The following KIR3DL1 variants were observed in gnomAD, a reference collection of about 807,000 sequenced individuals.
KIR3DL1 encodes the protein killer cell immunoglobulin like receptor, three Ig domains and long cytoplasmic tail 1.
A neutral mutation model predicts 40.3 loss-of-function variants in KIR3DL1; 50 were observed. The observed-to-expected ratio is 1.24, with a 90% CI of 0.99 to 1.57. The LOEUF is 1.57. Ranked by LOEUF, KIR3DL1 falls within the 40% of genes most tolerant of loss-of-function variation. The pLI, the probability that KIR3DL1 is intolerant of heterozygous loss-of-function variation, is 0.00. For missense variants in KIR3DL1, 661 were observed against 559.9 expected (o/e 1.18, Z -1.82); for synonymous variants, 257 against 207.2 (o/e 1.24, Z -2.07).
chr19:54,827,306 A>G (rs184172874), intron 6 of KIR3DL1, among the ~76,000 whole-genome samples: 1,954 of 151,262 alleles, frequency 0.013, 80 homozygotes, highest in African/African-American at 0.045. Flanking sequence ...AGCATAGTAT[A>G]CAAGTCTGTG....
chr19:54,819,943 T>C, exon 4 of KIR3DL1: 2 of 1,611,928 alleles, frequency 1.2e-6, no homozygotes, highest in South Asian at 1.1e-5. Context: ...CTACAGATGC[T>C]ACGGTTCTGT....
In KIR3DL1 at chr19:54,818,618, G is replaced by A. The variant is rs1192610691; in HGVS notation, c.355+19G>A. 6.9e-6 allele frequency: 11 copies of A among 1,600,382 alleles called. No homozygotes were observed. The Admixed American group carries it at 1.7e-4, about 25-fold the overall frequency. On this transcript the variant is annotated intron_variant, in intron 3 of 8. Transcript: ENST00000391728. Reference sequence around the variant, plus strand: ...GTCACAGGTCAGAGGCTTTCCGTCTGGGCTTCTCACTGTCCCACCTCCTGA... The same window carrying A: ...GTCACAGGTCAGAGGCTTTCCGTCTAGGCTTCTCACTGTCCCACCTCCTGA...
exon 4 of KIR3DL1, chr19:54,819,749 G>T: frequency 6.2e-7 from 1 of 1,610,102 alleles, no homozygotes; most frequent in Non-Finnish European, 8.5e-7. Flanking sequence ...GCCCACCCAG[G>T]TCCCCTGGTG....
At chr19:54,819,922 C>T in exon 4 of KIR3DL1, 2 of 1,612,150 alleles carry the variant, frequency 1.2e-6, no homozygotes, top group Non-Finnish European at 8.5e-7. Flanking sequence ...GATGCTTGCC[C>T]TTGCAGGGAC....
At chr19:54,827,441 A>C (rs1426063366) in intron 6 of KIR3DL1, among the ~76,000 whole-genome samples, 2 of 145,818 alleles carry the variant, frequency 1.4e-5, no homozygotes, top group Admixed American at 6.8e-5. Context: ...GTGAAACCCT[A>C]TCTCTCCTAA....
chr19:54,818,117 CA>C (rs34626017), intron 2 of KIR3DL1, among the ~76,000 whole-genome samples, 197 bp from the exon 3 acceptor site: 70,703 of 127,532 alleles, frequency 0.55, 21,072 homozygotes, highest in East Asian at 0.78. Context: ...GCTTCTCCAG[CA>C]ACTTGCTCAA....
In KIR3DL1 at chr19:54,819,695, CACA is replaced by C; in HGVS notation, c.356-15_356-13del. 6.2e-7 allele frequency: 1 copy of C among 1,603,940 alleles called. No individual in the cohort carries two copies. Among genetic ancestry groups the C allele is most frequent in the South Asian group, 1.1e-5 (1 of 90,286 alleles). Reference sequence around the variant, plus strand: ...GATAAAGAGAGATGCCTTCTAAACTCACAACTTCTCTTTCTAGGAAACCACAGA... The same window carrying C: ...GATAAAGAGAGATGCCTTCTAAACTCACTTCTCTTTCTAGGAAACCACAGA... On this transcript the variant is annotated splice_polypyrimidine_tract_variant and intron_variant, in intron 3 of 8. Transcript: ENST00000391728.
exon 4 of KIR3DL1, chr19:54,819,961 A>T (rs1206870157): frequency 6.2e-6 from 10 of 1,611,302 alleles, no homozygotes; most frequent in Non-Finnish European, 7.6e-6. Context: ...TGTTACTCAC[A>T]CCCCCTATCA....
chr19:54,817,707 C>T (rs1228687364), intron 2 of KIR3DL1, 138 bp downstream of exon 2: 13 of 705,308 alleles, frequency 1.8e-5, no homozygotes, highest in Non-Finnish European at 3.0e-5. Context: ...CATTTCTGAC[C>T]TTGCCTTCCC....
rs375395083 is a variant in KIR3DL1, at chr19:54,830,152, C to T, written c.1212C>T (p.Cys404=). 5.1e-5 allele frequency: 77 copies of T among 1,522,536 alleles called. 15 individuals are homozygous for T. Among genetic ancestry groups the T allele is most frequent in the East Asian group, 4.5e-4 (19 of 42,564 alleles). 94.3% of individuals were successfully genotyped at this position (1,522,536 alleles called of 1,614,324 possible). The change falls in exon 9 of 9, where the codon TGC becomes TGT. Residue 404 remains cysteine (C), a synonymous_variant. Coordinates refer to ENST00000391728, the Ensembl canonical transcript of KIR3DL1. ...TGACATACGCACAGTTGGATCACTG[C>T]GTTTTCACACAGAGAAAAATCACTC...
At chr19:54,830,567 G>A in exon 9 of KIR3DL1, 1 of 448,520 alleles carries the variant, frequency 2.2e-6, no homozygotes, top group East Asian at 4.1e-5. Context: ...TAGTCTACTT[G>A]AGGCTGCAAT....
At position 54,830,290 on chromosome 19, in the gene KIR3DL1, C is replaced by T. The variant is rs770260710; in HGVS notation, c.*15C>T. ...CCTGCCCATGAGCACCACAGTCAGGCCTTGAGGACGTCTTCTAGGGAGACA... is the reference window on the plus strand; with the variant it reads ...CCTGCCCATGAGCACCACAGTCAGGTCTTGAGGACGTCTTCTAGGGAGACA... On this transcript the variant is annotated 3_prime_UTR_variant, in exon 9 of 9. Coordinates refer to ENST00000391728, the Ensembl canonical transcript of KIR3DL1. The T allele has an allele frequency of 4.6e-6, 7 of 1,521,750 alleles. 1 individual carries two copies. The highest frequency in any genetic ancestry group is 1.4e-5 in the African/African-American group (1 of 72,170). 94.3% of individuals were successfully genotyped at this position (1,521,750 alleles called of 1,614,324 possible). A position where few individuals can be genotyped will look rare whatever the true frequency, so the allele number is the denominator to read the frequency against.
intron 1 of KIR3DL1, 31 bp from the exon 2 acceptor site, chr19:54,817,503 A>G: frequency 2.7e-6 from 4 of 1,484,522 alleles, no homozygotes; most frequent in Admixed American, 1.7e-5. Flanking sequence ...TTGCCTGCAG[A>G]GGGATGGTCC....
Position 54,828,445 on chromosome 19 carries a change from A to C in KIR3DL1, c.1001-916A>C, listed in dbSNP as rs562508149. ...AGAACACACAGAGAATACGTTACAT[A>C]GGCAGGTTCATTACTAACAGATAAG... On this transcript the variant is annotated intron_variant, in intron 6 of 8. Coordinates refer to ENST00000391728, the Ensembl canonical transcript of KIR3DL1. 4.0e-5 allele frequency among the ~76,000 whole-genome samples: 6 copies of C among 151,220 alleles called. No individual in the cohort carries two copies. In the East Asian group the frequency reaches 1.2e-3, roughly 29 times the overall value.
chr19:54,820,091 C>A, intron 4 of KIR3DL1, 79 bp downstream of exon 4: 4 of 1,445,226 alleles, frequency 2.8e-6, no homozygotes, highest in South Asian at 2.4e-5. Context: ...CCCAGGTGGT[C>A]ATGAGGAAGA....
Position 54,827,593 on chromosome 19 carries a change from T to G in KIR3DL1, c.1001-1768T>G, listed in dbSNP as rs189041528. On this transcript the variant is annotated intron_variant, in intron 6 of 8. Coordinates refer to ENST00000391728, the Ensembl canonical transcript of KIR3DL1. ...TCGCATCACTGCACTCCAGCCTGGG[T>G]GACACAAGGAGACTCCATCTCAAAA... is the stretch of plus-strand genomic sequence containing the variant. Among the ~76,000 whole-genome samples, 20 of 150,306 alleles carry G rather than the reference T, an allele frequency of 1.3e-4. No homozygotes were observed. In the East Asian group the frequency reaches 3.5e-3, roughly 26 times the overall value.
chr19:54,821,687 G>T lies in KIR3DL1; in HGVS notation c.778G>T (p.Gly260Ter), dbSNP rs1226701657. Residue 260 changes from glycine (G) to a stop codon, truncating the protein, a stop_gained, in exon 5 of 9, where the codon GGA becomes TGA. Coordinates refer to ENST00000391728, the Ensembl canonical transcript of KIR3DL1. LOFTEE classifies it high-confidence loss of function. ...CATGTACCATCTATCCAGGGAGGGG[G>T]GAGCCCATGAACGTAGGCTCCCTGC... The T allele has an allele frequency of 5.6e-6, 9 of 1,609,646 alleles. No individual in the cohort carries two copies. The Admixed American group carries it at 1.3e-4, about 24-fold the overall frequency.
At chr19:54,827,489 G>A (rs1325117998) in intron 6 of KIR3DL1, among the ~76,000 whole-genome samples, 2 of 150,448 alleles carry the variant, frequency 1.3e-5, no homozygotes, top group African/African-American at 5.0e-5. Flanking sequence ...GTGCATCCCT[G>A]TAATCCCAGC....
chr19:54,825,541 A>T (rs1323647917), intron 6 of KIR3DL1, among the ~76,000 whole-genome samples: 3 of 149,900 alleles, frequency 2.0e-5, no homozygotes, highest in African/African-American at 7.5e-5. Flanking sequence ...AACAGAGCTC[A>T]TGCACGCACA....
Sources: gnomAD v4.1 joint callset for allele counts (sites outside exome capture counted in the v4.1 genomes callset) on GRCh38, gnomAD v4.1.1 for gene constraint, MANE v1.5 for transcripts, NCBI Gene and HGNC (gene_info 2026-07-23, HGNC 2026-07-21) for gene names.